PCDHA9: variants seen among roughly 807,000 people sequenced by gnomAD.
PCDHA9 encodes the protein protocadherin alpha-9.
PCDHA9 carries 62 observed loss-of-function variants against 62.0 expected under a neutral mutation model. The observed-to-expected ratio is 1.00, with a 90% confidence interval of 0.81 to 1.23. The LOEUF (loss-of-function observed/expected upper bound fraction) is 1.23. PCDHA9 is among the 50% of genes most tolerant of loss of function. The pLI is 0.00. For missense variants in PCDHA9, 1,205 were observed against 1,249.8 expected, an observed-to-expected ratio of 0.96 and a Z score of 0.54; for synonymous variants, 557 against 567.6, an observed-to-expected ratio of 0.98 and a Z score of 0.27.
At chr5:140,870,746 T>A in intron 1 of PCDHA9, 1 of 1,613,488 alleles carries the variant, frequency 6.2e-7, no homozygotes, top group South Asian at 1.1e-5. Flanking sequence ...AGCAGCAACG[T>A]GACGCTGCAG....
chr5:140,951,773 A>T (rs1554220071), intron 1 of PCDHA9, among the ~76,000 whole-genome samples: 1 of 152,198 alleles, frequency 6.6e-6, no homozygotes, highest in East Asian at 1.9e-4. Context: ...TGACGTTCTT[A>T]CATTGCAAAA....
chr5:140,870,632 A>G, intron 1 of PCDHA9: 1 of 1,612,930 alleles, frequency 6.2e-7, no homozygotes, highest in Non-Finnish European at 8.5e-7. Flanking sequence ...GTGTCGGTGC[A>G]CGCGGAGAGC....
At chr5:140,950,439 G>A (rs1448812695) in intron 1 of PCDHA9, among the ~76,000 whole-genome samples, 1 of 151,962 alleles carries the variant, frequency 6.6e-6, no homozygotes, top group Non-Finnish European at 1.5e-5. Context: ...TAAAAAAAAT[G>A]TTATTCTACT....
Position 140,871,550 on chromosome 5 carries a change from C to A in PCDHA9, c.2394+20661C>A, listed in dbSNP as rs369025500. On this transcript the variant is annotated intron_variant, in intron 1 of 3. Transcript: ENST00000532602. The stretch of plus-strand genomic sequence containing the variant: ...AAGTGTATGTGAAATTATTTAAAAT[C>A]CAGTTTTTTTTCACGGATTTTTTAA... The A allele has an allele frequency of 1.6e-4, 246 of 1,495,268 alleles. 8 individuals are homozygous for A. In the South Asian group the frequency reaches 3.1e-3, roughly 19 times the overall value. The allele number at this position is 1,495,268 out of a possible 1,614,324, so 92.6% of individuals were successfully genotyped here.
intron 1 of PCDHA9, among the ~76,000 whole-genome samples, chr5:140,963,002 A>G (rs921334790): frequency 7.2e-5 from 11 of 152,242 alleles, no homozygotes; most frequent in African/African-American, 2.2e-4. Flanking sequence ...TACTAAAAAT[A>G]AGATCTGAAG....
At position 140,850,711 on chromosome 5, in the gene PCDHA9, T is replaced by C. The variant is rs2150495553; in HGVS notation, c.2216T>C (p.Leu739Pro). ...EGECAPGKPTLVCSSAVGSWS... is the reference protein window; with the variant it reads ...EGECAPGKPTPVCSSAVGSWS... ...GAGTGCGCGCCTGGCAAGCCGACGC[T>C]GGTGTGTTCTAGCGCGGTGGGGAGT... Residue 739 changes from leucine (L) to proline (P), a missense_variant, in exon 1 of 4, where the codon CTG (leucine) becomes CCG (proline). Leu to Pro is a moderately conservative substitution (Grantham distance 98). Coordinates refer to ENST00000532602, the MANE Select transcript of PCDHA9 (RefSeq NM_031857.2). The C allele has an allele frequency of 6.3e-7, 1 of 1,597,796 alleles. No homozygotes were observed. Among genetic ancestry groups the C allele is most frequent in the Non-Finnish European group, 8.6e-7 (1 of 1,167,600 alleles).
chr5:140,967,985 A>G, intron 1 of PCDHA9: 3 of 1,614,218 alleles, frequency 1.9e-6, no homozygotes, highest in East Asian at 4.5e-5. Flanking sequence ...TCTGGAGGCC[A>G]CACTGCCTTT....
At position 140,870,851 on chromosome 5, in the gene PCDHA9, C is replaced by G. The variant is rs1562652583; in HGVS notation, c.2394+19962C>G. ...GCAGTTAACAAGCTAGTACCGCGGT[C>G]GGTGGGTGCGGGCCACGTGGTGGCG... is the stretch of plus-strand genomic sequence containing the variant. On this transcript the variant is annotated intron_variant, in intron 1 of 3. Transcript: ENST00000532602. The G allele has an allele frequency of 1.9e-6, 3 of 1,613,838 alleles. No homozygotes were observed. Among genetic ancestry groups the G allele is most frequent in the Non-Finnish European group, 2.5e-6 (3 of 1,179,894 alleles).
Position 140,978,953 on chromosome 5 carries a change from G to A in PCDHA9, c.2399G>A (p.Arg800Gln), listed in dbSNP as rs781913955. The A allele has an allele frequency of 1.4e-5, 23 of 1,613,930 alleles. No homozygotes were observed. In the South Asian group the frequency reaches 2.0e-4, roughly 14 times the overall value. Residue 800 changes from arginine to glutamine, a missense_variant, in exon 2 of 4, where the codon CGA becomes CAA. Arg to Gln is a conservative substitution (Grantham distance 43, BLOSUM62 1). Around this residue, in one of 3 missense-constraint regions of PCDHA9, gnomAD observed 887 missense variants for 809.5 expected, o/e 1.10. Transcript: ENST00000532602. ...SASSDSTGKP[R>Q]QPNPDWRYSA... ...ACTCTCTTTGTGATTTTGCAGCCAC[G>A]ACAGCCCAACCCTGACTGGCGTTAC...
intron 1 of PCDHA9, among the ~76,000 whole-genome samples, chr5:140,923,820 CG>C (rs1297703305): frequency 6.6e-6 from 1 of 152,106 alleles, no homozygotes; most frequent in Non-Finnish European, 1.5e-5. Flanking sequence ...TGAAAATAGA[CG>C]TCAGTGGCAG....
chr5:140,863,469 G>T, intron 1 of PCDHA9: 3 of 498,172 alleles, frequency 6.0e-6, no homozygotes, highest in South Asian at 4.7e-5. Context: ...TTACTCTGGA[G>T]AGTCGCCTCC....
intron 3 of PCDHA9, among the ~76,000 whole-genome samples, chr5:141,005,325 A>G (rs1430982331): frequency 6.6e-6 from 1 of 152,226 alleles, no homozygotes; most frequent in Non-Finnish European, 1.5e-5. Context: ...GTAGAGAATA[A>G]TAGGCCAAGG....
chr5:140,990,304 A>C (rs114506238), intron 3 of PCDHA9, among the ~76,000 whole-genome samples: 1 of 152,168 alleles, frequency 6.6e-6, no homozygotes, highest in African/African-American at 2.4e-5. Context: ...CATTGTCTGT[A>C]AAAAACCAAC....
chr5:140,918,651 C>A (rs1418223257), intron 1 of PCDHA9, among the ~76,000 whole-genome samples: 1 of 152,144 alleles, frequency 6.6e-6, no homozygotes, highest in African/African-American at 2.4e-5. Flanking sequence ...AAACCTAATT[C>A]TCATGTTGAT....
At chr5:140,882,175 G>A in intron 1 of PCDHA9, 1 of 1,515,150 alleles carries the variant, frequency 6.6e-7, no homozygotes. Flanking sequence ...GAATCCTTCC[G>A]CACTAGGAAG....
In PCDHA9 at chr5:140,886,687, A is replaced by G. The variant is rs553566283; in HGVS notation, c.2394+35798A>G. On this transcript the variant is annotated intron_variant, in intron 1 of 3. Coordinates refer to ENST00000532602, the MANE Select transcript of PCDHA9 (RefSeq NM_031857.2). The stretch of plus-strand genomic sequence containing the variant: ...CTAAAAATACAAAAATTAGCGAGGC[A>G]TGGTGGCACGCGCCTGTAATCCCAG... Among the ~76,000 whole-genome samples, 418 of 152,114 alleles carry G rather than the reference A, an allele frequency of 2.7e-3. 2 individuals are homozygous for G. Among genetic ancestry groups the G allele is most frequent in the Middle Eastern group, 0.014 (4 of 294 alleles).
chr5:140,898,628 C>T (rs1305030651), intron 1 of PCDHA9, among the ~76,000 whole-genome samples: 2 of 152,176 alleles, frequency 1.3e-5, no homozygotes, highest in African/African-American at 4.8e-5. Context: ...TAGCATAATG[C>T]CTCCAGCTTT....
rs1554263082 is a variant in PCDHA9 at position 141,010,709 on chromosome 5, TG to T, written c.*773del. 2 of 154,830 alleles carry T rather than the reference TG, an allele frequency of 1.3e-5. No individual in the cohort carries two copies. Among genetic ancestry groups the T allele is most frequent in the African/African-American group, 2.4e-5 (1 of 41,516 alleles). The allele number at this position is 154,830 out of a possible 1,614,324, so 9.6% of individuals were successfully genotyped here. On this transcript the variant is annotated 3_prime_UTR_variant, in exon 4 of 4. Transcript: ENST00000532602. Reference sequence around the variant, plus strand: ...TCTGATGTGTTTCCTATACATGTCCTGTGCTCACTTTATTAAAAATTCTTTT... The same window carrying T: ...TCTGATGTGTTTCCTATACATGTCCTTGCTCACTTTATTAAAAATTCTTTT...
chr5:140,901,213 G>A (rs2068513524), intron 1 of PCDHA9, among the ~76,000 whole-genome samples: 1 of 152,040 alleles, frequency 6.6e-6, no homozygotes, highest in Non-Finnish European at 1.5e-5. Flanking sequence ...TTTTTAAGTT[G>A]ATGTGATCCC....
Sources: gnomAD v4.1 joint callset for allele counts (sites outside exome capture counted in the v4.1 genomes callset) on GRCh38, gnomAD v4.1.1 for gene constraint, gnomAD v4.1.1 regional missense constraint, MANE v1.5 for transcripts, NCBI Gene and HGNC (gene_info 2026-07-23, HGNC 2026-07-21) for gene names.